GABRG2: variants seen among roughly 807,000 people sequenced by gnomAD.
The protein encoded by GABRG2 is gamma-aminobutyric acid receptor subunit gamma-2.
A neutral mutation model predicts 56.4 loss-of-function variants in GABRG2; 16 were observed. That is an observed-to-expected ratio of 0.28 (90% CI 0.19 to 0.43). GABRG2 has a LOEUF of 0.43. Ranked by LOEUF, GABRG2 falls within the 20% of genes least tolerant of loss-of-function variation. The probability of loss-of-function intolerance (pLI) is 1.00; values close to 1 mark genes in which losing one functional copy is unlikely to be tolerated. For missense variants in GABRG2, 327 were observed against 582.7 expected, an observed-to-expected ratio of 0.56 and a Z score of 4.52; for synonymous variants, 208 against 205.5, an observed-to-expected ratio of 1.01 and a Z score of -0.10.
chr5:162,114,943 G>C (rs568187188), intron 6 of GABRG2, among the ~76,000 whole-genome samples: 3 of 151,368 alleles, frequency 2.0e-5, no homozygotes, highest in Non-Finnish European at 3.0e-5. Context: ...GTTTGTTGCC[G>C]TTTTGCTTTG....
rs903186468 is a variant in GABRG2, at chr5:162,117,443, G to GA, written c.769+13427dup. ...CTTGATTGTTATTATTCTTTTCATG[G>GA]AAAAAAAAAATCCTTAATGTCTCTA... On this transcript the variant is annotated intron_variant, in intron 6 of 9. Transcript: ENST00000639213. 2.1e-3 allele frequency among the ~76,000 whole-genome samples: 313 copies of GA among 148,864 alleles called. 2 individuals carry two copies. Among genetic ancestry groups the GA allele is most frequent in the Middle Eastern group, 0.01 (3 of 292 alleles).
Position 162,101,267 on chromosome 5 carries a change from T to A in GABRG2, c.581T>A (p.Leu194Ter). The A allele has an allele frequency of 6.2e-7, 1 of 1,611,508 alleles. No homozygotes were observed. Among genetic ancestry groups the A allele is most frequent in the Non-Finnish European group, 8.5e-7 (1 of 1,177,892 alleles). ...ATTGATGCTGAGTGCCAATTACAAT[T>A]GCACAACTTTCCAATGGATGAACAC... ...LTIDAECQLQ[L>*]HNFPMDEHSC... Residue 194 changes from leucine to a stop codon, truncating the protein, a stop_gained, in exon 5 of 10, where the codon TTG becomes TAG. Transcript: ENST00000639213. LOFTEE classifies it high-confidence loss of function.
At chr5:162,089,996 A>G (rs1183760678) in intron 1 of GABRG2, among the ~76,000 whole-genome samples, 1 of 152,116 alleles carries the variant, frequency 6.6e-6, no homozygotes, top group African/African-American at 2.4e-5. Flanking sequence ...ATTGTGAGCA[A>G]CCTCTCATTG....
intron 7 of GABRG2, among the ~76,000 whole-genome samples, chr5:162,144,762 T>G (rs1402134342): frequency 2.0e-5 from 3 of 152,190 alleles, no homozygotes; most frequent in Non-Finnish European, 4.4e-5. Context: ...GAAGACCAAT[T>G]GTAGGTACAG....
chr5:162,078,181 G>A (rs1489913202), intron 1 of GABRG2, among the ~76,000 whole-genome samples: 2 of 151,646 alleles, frequency 1.3e-5, no homozygotes, highest in Admixed American at 1.3e-4. Flanking sequence ...CACAGTTCTA[G>A]AGGCTGGAAG....
chr5:162,073,645 A>T (rs114546950), intron 1 of GABRG2, among the ~76,000 whole-genome samples: 2,957 of 152,040 alleles, frequency 0.019, 104 homozygotes, highest in African/African-American at 0.066. Context: ...ATTTTTAATC[A>T]CCCCAATCAT....
intron 1 of GABRG2, chr5:162,083,515 CT>C: frequency 1.1e-5 from 2 of 188,424 alleles, no homozygotes; most frequent in South Asian, 7.9e-5. Context: ...AAACTTTCTT[CT>C]TACCCACATA....
chr5:162,082,357 C>A (rs954492729), intron 1 of GABRG2, among the ~76,000 whole-genome samples: 12 of 151,666 alleles, frequency 7.9e-5, no homozygotes, highest in Non-Finnish European at 1.2e-4. Flanking sequence ...AGGCTTTTAG[C>A]CTTATTGTGT....
At chr5:162,101,178 T>C in intron 4 of GABRG2, 57 bp from the exon 5 acceptor site, 2 of 1,193,966 alleles carry the variant, frequency 1.7e-6, no homozygotes, top group Non-Finnish European at 2.5e-6. Context: ...ATTGTGCAAA[T>C]TTACAATTTA....
At chr5:162,120,930 T>A (rs1462564929) in intron 6 of GABRG2, among the ~76,000 whole-genome samples, 1 of 152,174 alleles carries the variant, frequency 6.6e-6, no homozygotes, top group Non-Finnish European at 1.5e-5. Flanking sequence ...GTTCATTATT[T>A]GTTTAGTATT....
intron 7 of GABRG2, among the ~76,000 whole-genome samples, chr5:162,146,818 C>G (rs886852551): frequency 3.3e-5 from 5 of 152,190 alleles, no homozygotes; most frequent in Admixed American, 3.3e-4. Flanking sequence ...TACCCTTCCT[C>G]TATAGCTATT....
intron 5 of GABRG2, chr5:162,103,527 A>G: frequency 4.5e-6 from 1 of 223,666 alleles, no homozygotes. Flanking sequence ...ACTGCCTTTC[A>G]CTGTGATACA....
intron 6 of GABRG2, among the ~76,000 whole-genome samples, chr5:162,118,206 TG>T (rs1762754406): frequency 5.3e-5 from 1 of 18,780 alleles, no homozygotes; most frequent in South Asian, 2.7e-3. Flanking sequence ...GTTCTGATGG[TG>T]TGTGTGTGTG....
chr5:162,108,992 A>G (rs1317421586), intron 6 of GABRG2, among the ~76,000 whole-genome samples: 3 of 152,132 alleles, frequency 2.0e-5, no homozygotes, highest in Non-Finnish European at 4.4e-5. Context: ...AGCATGATTT[A>G]TATTTCTTTG....
intron 6 of GABRG2, among the ~76,000 whole-genome samples, chr5:162,124,958 A>ATGTGTGTG (rs55993809): frequency 0.013 from 1,839 of 143,968 alleles, 43 homozygotes; most frequent in African/African-American, 0.041. Flanking sequence ...GTATAAAGAG[A>ATGTGTGTG]TGTGTGTGTG....
chr5:162,153,414 T>C lies in GABRG2; in HGVS notation c.*46T>C. The C allele has an allele frequency of 6.3e-7, 1 of 1,593,750 alleles. No homozygotes were observed. On this transcript the variant is annotated 3_prime_UTR_variant, in exon 10 of 10. Transcript: ENST00000639213. ...TATGGTTCTTATTCACTGAGTCTCATGGAGAGATGTCTGTTCTAAGTCCAC... is the reference window on the plus strand; with the variant it reads ...TATGGTTCTTATTCACTGAGTCTCACGGAGAGATGTCTGTTCTAAGTCCAC...
chr5:162,122,304 G>GCACC (rs1763029593), intron 6 of GABRG2, among the ~76,000 whole-genome samples: 1 of 151,894 alleles, frequency 6.6e-6, no homozygotes, highest in Admixed American at 6.6e-5. Flanking sequence ...ATAACTATGA[G>GCACC]TTAGGCCTCT....
chr5:162,101,108 G>T, intron 4 of GABRG2, 127 bp from the exon 5 acceptor site: 8 of 721,680 alleles, frequency 1.1e-5, no homozygotes, highest in Non-Finnish European at 1.9e-5. Context: ...TCTTCATTGG[G>T]GATCACTCTG....
At chr5:162,136,465 A>ATG (rs915558400) in intron 6 of GABRG2, among the ~76,000 whole-genome samples, 3 of 149,856 alleles carry the variant, frequency 2.0e-5, no homozygotes, top group African/African-American at 7.3e-5. Flanking sequence ...TGTGGAATAT[A>ATG]TGTGTGTGGG....
Sources: gnomAD v4.1 joint callset for allele counts (sites outside exome capture counted in the v4.1 genomes callset) on GRCh38, gnomAD v4.1.1 for gene constraint, MANE v1.5 for transcripts, NCBI Gene and HGNC (gene_info 2026-07-23, HGNC 2026-07-21) for gene names.